Variants in AXDND1 observed in about 807,000 individuals in gnomAD.
AXDND1 encodes the protein axonemal dynein light chain domain-containing protein 1.
A neutral mutation model predicts 137.5 loss-of-function variants in AXDND1; 110 were observed. The observed-to-expected ratio is 0.80, with a 90% CI of 0.69 to 0.94. The LOEUF (loss-of-function observed/expected upper bound fraction) is 0.94, where lower values mean the gene tolerates loss of function less well. Ranked by LOEUF, AXDND1 falls within the 40% of genes least tolerant of loss-of-function variation. AXDND1 has a pLI of 0.00. For missense variants in AXDND1, 1,191 were observed against 1,169.8 expected, an observed-to-expected ratio of 1.02 and a Z score of -0.26; for synonymous variants, 414 against 399.7, an observed-to-expected ratio of 1.04 and a Z score of -0.43.
At chr1:179,489,649 A>G (rs1292568072) in intron 18 of AXDND1, among the ~76,000 whole-genome samples, 3 of 152,124 alleles carry the variant, frequency 2.0e-5, no homozygotes, top group Non-Finnish European at 4.4e-5. Flanking sequence ...TGTCAAATAC[A>G]TTAATCAACG....
chr1:179,554,434 T>C, intron 25 of AXDND1, 78 bp from the exon 26 acceptor site: 1 of 1,611,916 alleles, frequency 6.2e-7, no homozygotes, highest in East Asian at 2.2e-5. Context: ...CCAGAATATT[T>C]TCCTTTATCA....
intron 17 of AXDND1, among the ~76,000 whole-genome samples, chr1:179,482,099 T>TTA (rs1665475621): frequency 9.1e-4 from 3 of 3,288 alleles, no homozygotes; most frequent in Non-Finnish European, 2.2e-3. Flanking sequence ...AGCTTTTTAA[T>TTA]TTTTTTTTTT....
chr1:179,381,698 G>T (rs1186934266), intron 6 of AXDND1, among the ~76,000 whole-genome samples: 2 of 151,964 alleles, frequency 1.3e-5, no homozygotes, highest in Non-Finnish European at 2.9e-5. Context: ...TATTTCTTCT[G>T]CCAATTTGTT....
At chr1:179,512,757 T>C (rs1428036527) in intron 21 of AXDND1, among the ~76,000 whole-genome samples, 1 of 152,158 alleles carries the variant, frequency 6.6e-6, no homozygotes, top group Admixed American at 6.6e-5. Flanking sequence ...GTTTGTAGTT[T>C]TCCTTATAGA....
At chr1:179,494,436 G>A (rs930599237) in intron 20 of AXDND1, among the ~76,000 whole-genome samples, 1 of 151,120 alleles carries the variant, frequency 6.6e-6, no homozygotes, top group Non-Finnish European at 1.5e-5. Context: ...GTATTGATTT[G>A]TTTGTTTCCT....
At chr1:179,478,260 G>A (rs568934962) in intron 17 of AXDND1, among the ~76,000 whole-genome samples, 54 of 152,324 alleles carry the variant, frequency 3.5e-4, no homozygotes, top group Middle Eastern at 3.4e-3. Context: ...GACTCTGTGT[G>A]GGGGTGCCCA....
chr1:179,371,794 G>A (rs1668065297), intron 4 of AXDND1, among the ~76,000 whole-genome samples: 2 of 152,128 alleles, frequency 1.3e-5, no homozygotes, highest in African/African-American at 2.4e-5. Flanking sequence ...AGGAGGAAGG[G>A]GAAAAGCAGC....
At chr1:179,500,611 T>C (rs908488665) in intron 20 of AXDND1, among the ~76,000 whole-genome samples, 6 of 152,174 alleles carry the variant, frequency 3.9e-5, no homozygotes, top group African/African-American at 1.4e-4. Context: ...CTCAGGATGC[T>C]ATGTAGCGAT....
intron 16 of AXDND1, among the ~76,000 whole-genome samples, chr1:179,462,292 T>C (rs1662445834): frequency 6.6e-6 from 1 of 152,248 alleles, no homozygotes; most frequent in South Asian, 2.1e-4. Flanking sequence ...TTTCTGCATC[T>C]ATTGAGATAA....
At chr1:179,509,465 G>A in intron 21 of AXDND1, 62 bp downstream of exon 21, 2 of 1,078,756 alleles carry the variant, frequency 1.9e-6, no homozygotes, top group South Asian at 2.9e-5. Flanking sequence ...AGTACAGAAG[G>A]TTCACAGCTT....
intron 23 of AXDND1, among the ~76,000 whole-genome samples, chr1:179,528,871 C>T (rs144132385): frequency 5.9e-5 from 9 of 152,182 alleles, no homozygotes; most frequent in African/African-American, 1.2e-4. Flanking sequence ...GGACTGCAGA[C>T]GCGAGCTATT....
chr1:179,493,054 A>G, intron 20 of AXDND1, 103 bp downstream of exon 20: 2 of 762,474 alleles, frequency 2.6e-6, no homozygotes, highest in East Asian at 2.7e-5. Flanking sequence ...TTTAAAGAAT[A>G]CAATCTTATA....
intron 11 of AXDND1, among the ~76,000 whole-genome samples, chr1:179,397,350 T>G (rs987356080): frequency 6.6e-6 from 1 of 152,044 alleles, no homozygotes; most frequent in Non-Finnish European, 1.5e-5. Context: ...TGCTGAGAGG[T>G]CCACTGTTAG....
At chr1:179,553,112 A>C (rs1487585094) in intron 25 of AXDND1, among the ~76,000 whole-genome samples, 1 of 152,256 alleles carries the variant, frequency 6.6e-6, no homozygotes, top group East Asian at 1.9e-4. Context: ...AAATAAGAAC[A>C]ACGCTTAATG....
At chr1:179,421,698 A>G (rs1304164823) in intron 12 of AXDND1, among the ~76,000 whole-genome samples, 11 of 151,378 alleles carry the variant, frequency 7.3e-5, no homozygotes. Flanking sequence ...CTTTTTTCTT[A>G]TTTAGTCTAG....
At chr1:179,510,509 A>C (rs1668940889) in intron 21 of AXDND1, among the ~76,000 whole-genome samples, 1 of 152,218 alleles carries the variant, frequency 6.6e-6, no homozygotes, top group Non-Finnish European at 1.5e-5. Context: ...CACCTTTAAC[A>C]AATGTGCTGT....
chr1:179,459,650 T>C (rs1164745291), intron 16 of AXDND1, among the ~76,000 whole-genome samples: 1 of 151,856 alleles, frequency 6.6e-6, no homozygotes, highest in Non-Finnish European at 1.5e-5. Flanking sequence ...GCTGATTACT[T>C]TTTGTTTAAA....
intron 16 of AXDND1, chr1:179,448,351 CT>C: frequency 1.4e-6 from 1 of 698,832 alleles, no homozygotes; most frequent in Non-Finnish European, 2.6e-6. Context: ...CATAGGCTTT[CT>C]TCATTAATCC....
chr1:179,426,313 A>G (rs4651026), intron 12 of AXDND1, among the ~76,000 whole-genome samples: 44,498 of 151,978 alleles, frequency 0.29, 6,685 homozygotes, highest in Non-Finnish European at 0.31. Context: ...GTAGGCACAG[A>G]CTATAAACAG....
Sources: gnomAD v4.1 joint callset for allele counts (sites outside exome capture counted in the v4.1 genomes callset) on GRCh38, gnomAD v4.1.1 for gene constraint, MANE v1.5 for transcripts, NCBI Gene and HGNC (gene_info 2026-07-23, HGNC 2026-07-21) for gene names.